The following GEMIN5 variants were observed in gnomAD, a reference collection of about 807,000 sequenced individuals.
GEMIN5 encodes gem nuclear organelle associated protein 5, also known as gem-associated protein 5.
In GEMIN5, 124 loss-of-function variants were observed where a neutral mutation model predicts 176.9. That is an observed-to-expected ratio of 0.70 (90% CI 0.61 to 0.81). GEMIN5 has a LOEUF of 0.81. GEMIN5 is among the 40% of genes least tolerant of loss of function. The pLI is 0.00. For missense variants in GEMIN5, 1,843 were observed against 1,814.6 expected (o/e 1.02, Z -0.28); for synonymous variants, 673 against 665.2 (o/e 1.01, Z -0.18).
chr5:154,908,282 G>A (rs1309974066), intron 15 of GEMIN5, among the ~76,000 whole-genome samples: 1 of 143,080 alleles, frequency 7.0e-6, no homozygotes, highest in Non-Finnish European at 1.5e-5. Flanking sequence ...CCAGGTTCAA[G>A]CGATTCTCCT....
intron 11 of GEMIN5, among the ~76,000 whole-genome samples, chr5:154,919,630 T>C (rs1470827990): frequency 6.6e-6 from 1 of 152,246 alleles, no homozygotes; most frequent in Non-Finnish European, 1.5e-5. Flanking sequence ...GTGAAAGTGG[T>C]TGGCCTGAAA....
At position 154,937,205 on chromosome 5, in the gene GEMIN5, CTAGGT is replaced by C; in HGVS notation, c.167-25_167-21del. The C allele has an allele frequency of 1.9e-6, 3 of 1,571,620 alleles. No homozygotes were observed. Among genetic ancestry groups the C allele is most frequent in the Non-Finnish European group, 2.6e-6 (3 of 1,153,182 alleles). On this transcript the variant is annotated intron_variant, in intron 1 of 27. Transcript: ENST00000285873. ...CTATGACTTTAAGCAAAACCAGACG[CTAGGT>C]TAATCGAAGTGCTATCCAAGGTTCC...
At chr5:154,911,488 G>A (rs969472201) in intron 15 of GEMIN5, among the ~76,000 whole-genome samples, 3 of 152,154 alleles carry the variant, frequency 2.0e-5, no homozygotes, top group Admixed American at 2.0e-4. Context: ...ATTCCAGTCT[G>A]GGCAACAGAG....
Position 154,891,478 on chromosome 5 carries a change from T to G in GEMIN5, c.4025A>C (p.Asp1342Ala), listed in dbSNP as rs766376804. 2 of 1,614,206 alleles carry G rather than the reference T, an allele frequency of 1.2e-6. No homozygotes were observed. The highest frequency in any genetic ancestry group is 1.7e-6 in the Non-Finnish European group (2 of 1,180,040). ...QPEPNRPSEL[D>A]LRLTEEGERM... ...CTCACCTTCTTCTGTGAGTCTCAAGTCTAGTTCTGAAGGCCTGTTTGGCTC... is the reference window on the plus strand; with the variant it reads ...CTCACCTTCTTCTGTGAGTCTCAAGGCTAGTTCTGAAGGCCTGTTTGGCTC... The change falls in exon 26 of 28, where the codon GAC becomes GCC. Residue 1342 changes from aspartate to alanine, a missense_variant. Asp to Ala is a moderately radical substitution (Grantham distance 126). Coordinates refer to ENST00000285873, the MANE Select transcript of GEMIN5 (RefSeq NM_015465.5).
At position 154,888,353 on chromosome 5, in the gene GEMIN5, C is replaced by A. The variant is rs745947574; in HGVS notation, c.4384G>T (p.Glu1462Ter). The change falls in exon 28 of 28, where the codon GAG (glutamate) becomes TAG (stop). Residue 1462 changes from glutamate to a stop codon, truncating the protein, a stop_gained. Transcript: ENST00000285873. LOFTEE classifies it high-confidence loss of function. ...ATGAGAAGCAGGACGAGGCAGCACT[C>A]CAGCACATCTGGGAAGGGCCAGGCC... ...IKAWPFPDVL[E>*]CCLVLLLIRS... The A allele has an allele frequency of 6.2e-7, 1 of 1,614,016 alleles. No individual in the cohort carries two copies. The highest frequency in any genetic ancestry group is 8.5e-7 in the Non-Finnish European group (1 of 1,180,006).
chr5:154,920,961 A>G (rs1163562709), intron 10 of GEMIN5, among the ~76,000 whole-genome samples: 2 of 152,226 alleles, frequency 1.3e-5, no homozygotes, highest in African/African-American at 4.8e-5. Context: ...GTGGGTGAAA[A>G]TAGATATTAT....
chr5:154,891,719 A>G lies in GEMIN5; in HGVS notation c.3784T>C (p.Leu1262=), dbSNP rs1763232380. ...GTGGCAGGGGATTGATGGTCCCCCA[A>G]CTTGTCTCTTAGGTGGTCACAGCCT... ...PDGCDHLRDK[L]GDHQSPATPA... is the part of the protein sequence containing the mutation. The change falls in exon 26 of 28, where the codon TTG becomes CTG. Residue 1262 remains leucine (L), a synonymous_variant. Transcript: ENST00000285873. The G allele has an allele frequency of 6.2e-7, 1 of 1,602,638 alleles. No individual in the cohort carries two copies. Among genetic ancestry groups the G allele is most frequent in the African/African-American group, 1.4e-5 (1 of 74,012 alleles).
At chr5:154,897,025 G>A (rs1427300908) in intron 23 of GEMIN5, among the ~76,000 whole-genome samples, 1 of 152,104 alleles carries the variant, frequency 6.6e-6, no homozygotes, top group Non-Finnish European at 1.5e-5. Context: ...AGGTTTTTTT[G>A]CTTTGTTAAG....
chr5:154,917,862 C>G, intron 12 of GEMIN5, 69 bp downstream of exon 12: 3 of 978,516 alleles, frequency 3.1e-6, no homozygotes, highest in African/African-American at 3.2e-5. Context: ...TTACAGATGG[C>G]ATTAGTCAGC....
intron 15 of GEMIN5, among the ~76,000 whole-genome samples, chr5:154,908,995 T>C (rs904939213): frequency 1.3e-5 from 2 of 152,102 alleles, no homozygotes; most frequent in African/African-American, 4.8e-5. Flanking sequence ...TGCTCTGTTG[T>C]CTGGGCTGGA....
At chr5:154,904,857 A>G (rs1158486318) in intron 17 of GEMIN5, among the ~76,000 whole-genome samples, 4 of 152,212 alleles carry the variant, frequency 2.6e-5, no homozygotes, top group African/African-American at 7.2e-5. Context: ...ACTGCAAAAC[A>G]TTTCATCAAG....
At chr5:154,910,314 A>T (rs1035259110) in intron 15 of GEMIN5, among the ~76,000 whole-genome samples, 1 of 149,890 alleles carries the variant, frequency 6.7e-6, no homozygotes, top group East Asian at 2.0e-4. Flanking sequence ...CATTTAAAAT[A>T]AAAAAAAAAC....
At chr5:154,923,631 A>G (rs981742882) in intron 9 of GEMIN5, among the ~76,000 whole-genome samples, 5 of 152,224 alleles carry the variant, frequency 3.3e-5, no homozygotes, top group African/African-American at 9.6e-5. Flanking sequence ...TTTAATCTTC[A>G]TATGTCATAA....
chr5:154,915,274 GA>G, intron 13 of GEMIN5, among the ~76,000 whole-genome samples: 1 of 152,226 alleles, frequency 6.6e-6, no homozygotes, highest in Non-Finnish European at 1.5e-5. Context: ...GAAAACTACT[GA>G]AGTAAATTCT....
In GEMIN5 at chr5:154,937,989, G is replaced by GACA; in HGVS notation, c.144_145insTGT (p.Ser48_Pro49insCys). On this transcript the variant is annotated inframe_insertion, in exon 1 of 28. Transcript: ENST00000285873. ...TTACCTCGAAACGGGGGTGTCCCTG[G>GACA]ACTCTCGCCTGCGCCCGGGCCCACG... 1 of 1,574,572 alleles carries GACA rather than the reference G, an allele frequency of 6.4e-7. No homozygotes were observed. Among genetic ancestry groups the GACA allele is most frequent in the Non-Finnish European group, 8.6e-7 (1 of 1,162,658 alleles).
Position 154,898,529 on chromosome 5 carries a change from A to G in GEMIN5, c.3256T>C (p.Ser1086Pro). 6.2e-7 allele frequency: 1 copy of G among 1,614,164 alleles called. No individual in the cohort carries two copies. The highest frequency in any genetic ancestry group is 8.5e-7 in the Non-Finnish European group (1 of 1,180,006). The part of the protein sequence containing the change: ...AIVGEDELSA[S>P]LALRCAQELL... ...TCTTGGGCACATCTGAGAGCCAGGG[A>G]AGCAGACAACTCATCCTCTCCTACG... Residue 1086 changes from serine to proline, a missense_variant, in exon 23 of 28, where the codon TCC becomes CCC. Ser to Pro is a moderately conservative substitution (Grantham distance 74). Transcript: ENST00000285873.
intron 5 of GEMIN5, among the ~76,000 whole-genome samples, chr5:154,930,402 T>C (rs1347300148): frequency 6.6e-6 from 1 of 152,220 alleles, no homozygotes; most frequent in African/African-American, 2.4e-5. Flanking sequence ...AAGAAAGTTT[T>C]ATATTTGAGT....
In GEMIN5 at chr5:154,938,142, G is replaced by A. The variant is rs1331370712; in HGVS notation, c.-9C>T. On this transcript the variant is annotated 5_prime_UTR_variant, in exon 1 of 28. Transcript: ENST00000285873. ...CGCGGCTCCTGCCCCATAACTACAA[G>A]CCGTCAGAGACAAGAGAAGCTGCCA... 3 of 1,371,576 alleles carry A rather than the reference G, an allele frequency of 2.2e-6. No individual in the cohort carries two copies. The South Asian group carries it at 5.5e-5, about 25-fold the overall frequency. The allele number at this position is 1,371,576 out of a possible 1,614,324, so 85.0% of individuals were successfully genotyped here.
chr5:154,918,607 G>A lies in GEMIN5; in HGVS notation c.1600-603C>T, dbSNP rs376448668. On this transcript the variant is annotated intron_variant, in intron 11 of 27. Coordinates refer to ENST00000285873, the MANE Select transcript of GEMIN5 (RefSeq NM_015465.5). ...TAAATTAGAAGAGACTTAGGAACAC[G>A]AATTTTGTCTCTTATTCATTGCTGA... is the stretch of plus-strand genomic sequence containing the variant. Among the ~76,000 whole-genome samples, 5 of 152,126 alleles carry A rather than the reference G, an allele frequency of 3.3e-5. No individual in the cohort carries two copies. The East Asian group carries it at 9.6e-4, about 29-fold the overall frequency.
Sources: allele counts gnomAD v4.1 joint callset (sites outside exome capture counted in the v4.1 genomes callset), GRCh38; gene constraint gnomAD v4.1.1; transcripts MANE v1.5; gene names NCBI Gene and HGNC (gene_info 2026-07-23, HGNC 2026-07-21).